Variants in VPS8 observed in about 807,000 individuals in gnomAD.
The protein encoded by VPS8 is VPS8 subunit of CORVET complex, also known as vacuolar protein sorting-associated protein 8 homolog.
Under a neutral mutation model 216.4 loss-of-function variants are expected in VPS8, and 129 were observed. The ratio of observed to expected loss-of-function variants is 0.60; its 90% CI spans 0.52 to 0.69. The LOEUF is 0.69. VPS8 is among the 30% of genes least tolerant of loss of function. VPS8 has a pLI of 0.00. For missense variants in VPS8, 1,531 were observed against 1,683.5 expected, an observed-to-expected ratio of 0.91 and a Z score of 1.59; for synonymous variants, 571 against 565.4, an observed-to-expected ratio of 1.01 and a Z score of -0.14.
chr3:184,835,841 C>G (rs143951940), intron 5 of VPS8, among the ~76,000 whole-genome samples: 1 of 151,768 alleles, frequency 6.6e-6, no homozygotes, highest in Middle Eastern at 3.4e-3. Context: ...TCCTGAGTAG[C>G]TGGGACTACA....
intron 40 of VPS8, 179 bp from the exon 41 acceptor site, chr3:184,982,387 T>A: frequency 1.8e-6 from 1 of 546,018 alleles, no homozygotes. Context: ...CTTTGTATTG[T>A]CTTTTTTTTT....
At chr3:184,855,126 T>TA (rs1181096346) in intron 13 of VPS8, among the ~76,000 whole-genome samples, 1 of 152,204 alleles carries the variant, frequency 6.6e-6, no homozygotes, top group Non-Finnish European at 1.5e-5. Flanking sequence ...TTCATGGTGT[T>TA]ATGTGTTTGC....
chr3:185,043,999 G>C (rs532892159), intron 46 of VPS8, among the ~76,000 whole-genome samples: 2 of 152,256 alleles, frequency 1.3e-5, no homozygotes, highest in South Asian at 4.1e-4. Flanking sequence ...AGACCAGCCT[G>C]ACTAATATGA....
At chr3:184,941,362 T>C (rs1215895285) in intron 36 of VPS8, among the ~76,000 whole-genome samples, 1 of 149,842 alleles carries the variant, frequency 6.7e-6, no homozygotes, top group African/African-American at 2.5e-5. Flanking sequence ...CAAGACCTTT[T>C]CAAAGTATCT....
intron 23 of VPS8, among the ~76,000 whole-genome samples, chr3:184,897,248 A>G (rs1344305190): frequency 6.6e-6 from 1 of 152,180 alleles, no homozygotes; most frequent in Non-Finnish European, 1.5e-5. Context: ...AGAGATGGTA[A>G]CAGTGAGATG....
At chr3:184,937,808 A>G (rs185912534) in intron 35 of VPS8, among the ~76,000 whole-genome samples, 62 of 152,326 alleles carry the variant, frequency 4.1e-4, no homozygotes, top group African/African-American at 1.4e-3. Context: ...GCAGGGGGTG[A>G]TGGTGGAAGT....
chr3:185,044,527 G>A (rs1227476534), intron 46 of VPS8, among the ~76,000 whole-genome samples: 2 of 152,084 alleles, frequency 1.3e-5, no homozygotes, highest in African/African-American at 2.4e-5. Context: ...CTGAGAAAAC[G>A]TAAACCAGTG....
intron 35 of VPS8, among the ~76,000 whole-genome samples, chr3:184,938,425 G>A (rs1742023212): frequency 1.3e-5 from 2 of 152,170 alleles, no homozygotes; most frequent in South Asian, 4.1e-4. Flanking sequence ...GAATGCTAAT[G>A]GAGCCCAGGA....
chr3:184,867,040 C>T, intron 17 of VPS8, 90 bp downstream of exon 17: 12 of 1,177,844 alleles, frequency 1.0e-5, no homozygotes, highest in Non-Finnish European at 1.5e-5. Context: ...CAGTATATTG[C>T]AAAGTGAATA....
intron 36 of VPS8, among the ~76,000 whole-genome samples, chr3:184,950,217 T>A (rs13062858): frequency 3.3e-5 from 1 of 30,530 alleles, no homozygotes; most frequent in African/African-American, 1.5e-4. Flanking sequence ...AGTTTTCTGC[T>A]TTTTTTTTTT....
chr3:184,868,078 C>A lies in VPS8; in HGVS notation c.1506+19C>A. 1 of 1,611,824 alleles carries A rather than the reference C, an allele frequency of 6.2e-7. No individual in the cohort carries two copies. Among genetic ancestry groups the A allele is most frequent in the Non-Finnish European group, 8.5e-7 (1 of 1,178,900 alleles). On this transcript the variant is annotated intron_variant, in intron 18 of 47. Coordinates refer to ENST00000625842, the MANE Select transcript of VPS8 (RefSeq NM_001009921.3). ...GAGAGAGGTGAGTTCCAAGTAATTT[C>A]ACATGTCAGAGTTACTGAATTGGTA...
chr3:185,028,678 A>G (rs1757714183), intron 46 of VPS8, among the ~76,000 whole-genome samples: 1 of 152,124 alleles, frequency 6.6e-6, no homozygotes, highest in Admixed American at 6.6e-5. Context: ...AAACCCTGAC[A>G]CCCTCCTTAA....
intron 37 of VPS8, among the ~76,000 whole-genome samples, chr3:184,957,893 C>A (rs139812046): frequency 1.3e-5 from 2 of 152,290 alleles, no homozygotes; most frequent in African/African-American, 4.8e-5. Flanking sequence ...CAGCTGTGTT[C>A]CCAGATTCCT....
chr3:184,900,982 T>G lies in VPS8; in HGVS notation c.2146+10T>G, dbSNP rs780544402. 5 of 1,602,088 alleles carry G rather than the reference T, an allele frequency of 3.1e-6. No homozygotes were observed. The highest frequency in any genetic ancestry group is 4.2e-6 in the Non-Finnish European group (5 of 1,177,186). The stretch of plus-strand genomic sequence containing the variant: ...GGAAAAACACTAACAGGTATTTATT[T>G]TCTAAGCCTTAATTTTTTGCTTTCC... On this transcript the variant is annotated intron_variant, in intron 25 of 47. Coordinates refer to ENST00000625842, the MANE Select transcript of VPS8 (RefSeq NM_001009921.3).
intron 37 of VPS8, among the ~76,000 whole-genome samples, chr3:184,958,576 A>G (rs1165448517): frequency 6.6e-6 from 1 of 152,184 alleles, no homozygotes; most frequent in Non-Finnish European, 1.5e-5. Context: ...CTTTCTGTCC[A>G]TAAATAAGTT....
chr3:184,940,923 G>A (rs948361287), intron 36 of VPS8, among the ~76,000 whole-genome samples: 3 of 152,190 alleles, frequency 2.0e-5, no homozygotes, highest in Non-Finnish European at 4.4e-5. Context: ...TTGACTAGTA[G>A]TGTGCATCAG....
rs555372920 is a variant in VPS8 at position 184,931,478 on chromosome 3, CA to C, written c.2898+911del. Among the ~76,000 whole-genome samples the C allele has an allele frequency of 2.0e-5, 3 of 152,200 alleles. No homozygotes were observed. The East Asian group carries it at 5.8e-4, about 29-fold the overall frequency. The stretch of plus-strand genomic sequence containing the variant: ...GATACGATTATTCAACATGTTTGAA[CA>C]TTTTTTATAGATATGAAAAACTATA... On this transcript the variant is annotated intron_variant, in intron 34 of 47. Coordinates refer to ENST00000625842, the MANE Select transcript of VPS8 (RefSeq NM_001009921.3).
intron 45 of VPS8, among the ~76,000 whole-genome samples, chr3:185,019,307 G>T (rs984183705): frequency 4.6e-5 from 7 of 151,940 alleles, no homozygotes; most frequent in African/African-American, 1.7e-4. Flanking sequence ...GACCAGCTCG[G>T]TCAGGGAGAC....
intron 36 of VPS8, chr3:184,944,483 T>TAC (rs1743321912): frequency 1.0e-6 from 1 of 985,204 alleles, no homozygotes; most frequent in Admixed American, 6.1e-5. Flanking sequence ...CTGATGTGCT[T>TAC]ACACCCAGCT....
Sources: allele counts gnomAD v4.1 joint callset (sites outside exome capture counted in the v4.1 genomes callset), GRCh38; gene constraint gnomAD v4.1.1; transcripts MANE v1.5; gene names NCBI Gene and HGNC (gene_info 2026-07-23, HGNC 2026-07-21).